Variants in ESCO2 observed in about 807,000 individuals in gnomAD.
The protein encoded by ESCO2 is establishment of sister chromatid cohesion N-acetyltransferase 2.
A neutral mutation model predicts 61.7 loss-of-function variants in ESCO2; 51 were observed. The observed-to-expected ratio is 0.83, with a 90% CI of 0.66 to 1.04. ESCO2 has a LOEUF of 1.04. Among genes scored for constraint, ESCO2 ranks in the 50% least tolerant of loss-of-function variants. The pLI, the probability that ESCO2 is intolerant of heterozygous loss-of-function variation, is 0.00. For synonymous variants in ESCO2, 230 were observed against 238.2 expected, an observed-to-expected ratio of 0.97 and a Z score of 0.32; for missense variants, 692 against 686.2, an observed-to-expected ratio of 1.01 and a Z score of -0.09.
chr8:27,772,156 G>A, upstream of ESCO2: 1 of 377,330 alleles, frequency 2.7e-6, no homozygotes, highest in Non-Finnish European at 4.9e-6. Context: ...CAGAACAAAG[G>A]CCGCAGATGG....
At chr8:27,809,995 AAAGT>A (rs1263625428), downstream of ESCO2, 1 of 282,448 alleles carries the variant, frequency 3.5e-6, no homozygotes, top group South Asian at 5.1e-5. Flanking sequence ...ATCATTAATA[AAAGT>A]AATGGTCATT....
At chr8:27,774,156 T>C (rs925597167), upstream of ESCO2, among the ~76,000 whole-genome samples, 17 of 143,566 alleles carry the variant, frequency 1.2e-4, no homozygotes, top group Non-Finnish European at 1.8e-4. Context: ...ATCGAGAATC[T>C]TGGAGAGGCC....
chr8:27,778,196 C>A (rs1033467877), intron 3 of ESCO2: 8 of 152,202 alleles, frequency 5.3e-5, no homozygotes, highest in Non-Finnish European at 8.8e-5. Context: ...TACCATTTGA[C>A]AAATATGGGT....
intron 3 of ESCO2, chr8:27,778,014 G>T (rs1488734306): frequency 6.6e-6 from 1 of 152,178 alleles, no homozygotes; most frequent in Non-Finnish European, 1.5e-5. Flanking sequence ...TTGGTGGCCA[G>T]TAAACCAAAT....
chr8:27,817,247 T>G (rs1405072084), downstream of ESCO2, among the ~76,000 whole-genome samples: 1 of 151,994 alleles, frequency 6.6e-6, no homozygotes, highest in Non-Finnish European at 1.5e-5. Context: ...CTATTGAAAA[T>G]ACTCTCATAT....
downstream of ESCO2, among the ~76,000 whole-genome samples, chr8:27,815,073 A>G (rs1213995271): frequency 6.6e-6 from 1 of 152,182 alleles, no homozygotes; most frequent in Non-Finnish European, 1.5e-5. Flanking sequence ...CAATAGAAAG[A>G]AGACACAGTG....
At chr8:27,815,066 TAGAA>T (rs1191484199), downstream of ESCO2, among the ~76,000 whole-genome samples, 4 of 151,950 alleles carry the variant, frequency 2.6e-5, no homozygotes, top group South Asian at 2.1e-4. Context: ...TTTGAAACAA[TAGAA>T]AGAAGACACA....
downstream of ESCO2, among the ~76,000 whole-genome samples, chr8:27,816,345 A>G (rs1363415705): frequency 1.2e-4 from 17 of 142,090 alleles, no homozygotes; most frequent in East Asian, 3.4e-3. Context: ...ATCGAATACT[A>G]TATATATATA....
intron 9 of ESCO2, among the ~76,000 whole-genome samples, chr8:27,797,537 CAT>C (rs1162001466): frequency 6.6e-6 from 1 of 151,622 alleles, no homozygotes; most frequent in East Asian, 2.0e-4. Flanking sequence ...GATTGGCAAA[CAT>C]ATTCTATTTA....
rs1208310563 is a variant in ESCO2 at position 27,805,195 on chromosome 8, T to C, written c.*1757T>C. The C allele has an allele frequency of 9.3e-6, 1 of 107,776 alleles. No individual in the cohort carries two copies. Among genetic ancestry groups the C allele is most frequent in the African/African-American group, 3.6e-5 (1 of 27,646 alleles). 6.7% of individuals were successfully genotyped at this position (107,776 alleles called of 1,614,324 possible). On this transcript the variant is annotated 3_prime_UTR_variant, in exon 11 of 11. Transcript: ENST00000305188. Reference sequence around the variant, plus strand: ...TACTCGGGAGGCTGAGGCAGGAGAATGGCGTGAACCCGGGAGGCGAGCTTG... The same window carrying C: ...TACTCGGGAGGCTGAGGCAGGAGAACGGCGTGAACCCGGGAGGCGAGCTTG...
chr8:27,786,784 C>CTT (rs11305882), intron 5 of ESCO2, among the ~76,000 whole-genome samples: 3 of 105,734 alleles, frequency 2.8e-5, no homozygotes, highest in South Asian at 6.2e-4. Flanking sequence ...AATGCTCCAC[C>CTT]TTTTTTTTTT....
chr8:27,792,741 TAAA>T lies in ESCO2; in HGVS notation c.1430_1432del (p.Lys477del). ...GTTGTTCCTAAATGTCCAAACAAAA[TAAA>T]AACTTTTCTTTTTATATCTGATGAA... On this transcript the variant is annotated inframe_deletion, in exon 9 of 11. Transcript: ENST00000305188. 1 of 1,610,994 alleles carries T rather than the reference TAAA, an allele frequency of 6.2e-7. No homozygotes were observed. Among genetic ancestry groups the T allele is most frequent in the Non-Finnish European group, 8.5e-7 (1 of 1,179,094 alleles).
downstream of ESCO2, among the ~76,000 whole-genome samples, chr8:27,808,568 T>TA (rs1805608905): frequency 6.6e-6 from 1 of 151,026 alleles, no homozygotes; most frequent in Non-Finnish European, 1.5e-5. Context: ...TGGTCCCAGC[T>TA]ACTCGGAGTG....
chr8:27,797,118 G>GA (rs34983063), intron 9 of ESCO2, among the ~76,000 whole-genome samples: 6 of 145,958 alleles, frequency 4.1e-5, no homozygotes, highest in African/African-American at 1.3e-4. Flanking sequence ...TCTTAAGAAA[G>GA]AAAAAAAAAG....
At chr8:27,810,567 T>C, downstream of ESCO2, 3 of 879,472 alleles carry the variant, frequency 3.4e-6, no homozygotes, top group East Asian at 7.4e-5. Flanking sequence ...GTTTAATAGC[T>C]CACCCTTCTC....
At chr8:27,806,318 ATATGTG>A (rs1805562328), downstream of ESCO2, among the ~76,000 whole-genome samples, 1 of 152,154 alleles carries the variant, frequency 6.6e-6, no homozygotes, top group Admixed American at 6.5e-5. Flanking sequence ...TTGTGCCAAT[ATATGTG>A]TATGTCTATT....
chr8:27,792,869 T>A, intron 9 of ESCO2, 58 bp downstream of exon 9: 1 of 1,523,246 alleles, frequency 6.6e-7, no homozygotes, highest in Non-Finnish European at 8.8e-7. Context: ...AAAGAAAAGT[T>A]GGGAGAAGTC....
chr8:27,799,647 T>C lies in ESCO2; in HGVS notation c.1604T>C (p.Ile535Thr), dbSNP rs759390071. ...GTACCAGAACCTGCAGTCTGTGGGA[T>C]AAGTAGAATCTGGGTTTTCAGACTG... ...SDVPEPAVCGISRIWVFRLKR... is the reference protein window; with the variant it reads ...SDVPEPAVCGTSRIWVFRLKR... The change falls in exon 10 of 11, where the codon ATA (isoleucine) becomes ACA (threonine). Residue 535 changes from isoleucine (I) to threonine (T), a missense_variant. Coordinates refer to ENST00000305188, the MANE Select transcript of ESCO2 (RefSeq NM_001017420.3). The C allele has an allele frequency of 2.5e-6, 4 of 1,614,014 alleles. No individual in the cohort carries two copies. The East Asian group carries it at 8.9e-5, about 36-fold the overall frequency.
intron 9 of ESCO2, among the ~76,000 whole-genome samples, chr8:27,797,707 A>G (rs544831277): frequency 3.3e-4 from 50 of 152,152 alleles, no homozygotes; most frequent in African/African-American, 1.1e-3. Flanking sequence ...TCTTTTATGT[A>G]TCTACTATAG....
Sources: allele counts gnomAD v4.1 joint callset (sites outside exome capture counted in the v4.1 genomes callset), GRCh38; gene constraint gnomAD v4.1.1; transcripts MANE v1.5; gene names NCBI Gene and HGNC (gene_info 2026-07-23, HGNC 2026-07-21).